ZFX: variants seen among roughly 807,000 people sequenced by gnomAD.
ZFX encodes zinc finger X-chromosomal protein.
For synonymous variants in ZFX, 196 were observed against 226.8 expected (o/e 0.86, Z 1.22); for missense variants, 362 against 628.3 (o/e 0.58, Z 4.53).
chrX:24,201,900 G>C (rs927008617), intron 5 of ZFX, among the ~76,000 whole-genome samples: 1 of 111,747 alleles, frequency 8.9e-6, no homozygotes, highest in African/African-American at 3.2e-5. Flanking sequence ...TTAACCAGTT[G>C]GACTCTTTAA....
At chrX:24,157,950 G>A (rs940248575) in intron 3 of ZFX, among the ~76,000 whole-genome samples, 2 of 110,557 alleles carry the variant, frequency 1.8e-5, no homozygotes, top group Admixed American at 9.7e-5. Context: ...GTCGAGACAG[G>A]TTTTCACTGT....
At chrX:24,153,928 A>G (rs1202404165) in intron 3 of ZFX, among the ~76,000 whole-genome samples, 4 of 111,235 alleles carry the variant, frequency 3.6e-5, no homozygotes, top group Non-Finnish European at 5.6e-5. Flanking sequence ...TCAGGGACAT[A>G]CATATTAAGG....
chrX:24,194,538 C>T (rs1322032907), intron 5 of ZFX, among the ~76,000 whole-genome samples: 2 of 111,044 alleles, frequency 1.8e-5, no homozygotes, highest in Non-Finnish European at 3.8e-5. Flanking sequence ...GAGGCTCCTA[C>T]ACCCATGACC....
At chrX:24,194,954 G>A (rs1410912031) in intron 5 of ZFX, among the ~76,000 whole-genome samples, 1 of 109,962 alleles carries the variant, frequency 9.1e-6, no homozygotes, top group Non-Finnish European at 1.9e-5. Flanking sequence ...CACCATGTTG[G>A]CGAGGCTGAT....
chrX:24,159,240 T>C (rs1933005673), intron 3 of ZFX, among the ~76,000 whole-genome samples: 2 of 111,987 alleles, frequency 1.8e-5, no homozygotes, highest in Non-Finnish European at 3.8e-5. Context: ...TTGTCCTGCC[T>C]GGGCCTCCAA....
chrX:24,180,643 A>T (rs1022092983), intron 5 of ZFX, among the ~76,000 whole-genome samples: 1 of 111,799 alleles, frequency 8.9e-6, no homozygotes, highest in Non-Finnish European at 1.9e-5. Flanking sequence ...TTGGCCTTCC[A>T]AAGTGGGAGG....
Position 24,210,869 on chromosome X carries a change from T to C in ZFX, c.1911T>C (p.His637=), listed in dbSNP as rs780651874. ...HQESKTHQCL[H]CDHKSSNSSD... Reference sequence around the variant, plus strand: ...AAAGCAAAACACACCAGTGTTTGCATTGCGACCACAAGAGTTCGAACTCAA... The same window carrying C: ...AAAGCAAAACACACCAGTGTTTGCACTGCGACCACAAGAGTTCGAACTCAA... Residue 637 remains histidine, a synonymous_variant, in exon 10 of 10, where the codon CAT becomes CAC. Transcript: ENST00000304543. The C allele has an allele frequency of 6.4e-5, 77 of 1,209,484 alleles. No individual in the cohort carries two copies. In the East Asian group the frequency reaches 2.2e-3, roughly 35 times the overall value.
In ZFX at chrX:24,207,105, C is replaced by T. The variant is rs969038679; in HGVS notation, c.647-221C>T. On this transcript the variant is annotated intron_variant, in intron 5 of 9. Coordinates refer to ENST00000304543, the MANE Select transcript of ZFX (RefSeq NM_003410.4). Reference sequence around the variant, plus strand: ...AAAATTAGCCGGGCGTGGTGGTAGGCGCCTGTAGTCCCAGCTCCTCGGGAG... The same window carrying T: ...AAAATTAGCCGGGCGTGGTGGTAGGTGCCTGTAGTCCCAGCTCCTCGGGAG... 4.1e-5 allele frequency: 13 copies of T among 318,348 alleles called. No homozygotes were observed. The Admixed American group carries it at 4.1e-4, about 10-fold the overall frequency. The allele number at this position is 318,348 out of a possible 1,213,427, so 26.2% of individuals were successfully genotyped here. A position where few individuals can be genotyped will look rare whatever the true frequency, so the allele number is the denominator to read the frequency against.
At position 24,179,525 on chromosome X, in the gene ZFX, T is replaced by C; in HGVS notation, c.401T>C (p.Leu134Ser). ...SASMSMPEHV[L>S]TGDSIHVSDV... is the part of the protein sequence containing the mutation. The stretch of plus-strand genomic sequence containing the variant: ...TCAATGTCTATGCCAGAACACGTCT[T>C]GACGGGTGATTCTATACATGTGTCT... The change falls in exon 5 of 10, where the codon TTG (leucine) becomes TCG (serine). Residue 134 changes from leucine to serine, a missense_variant. Leu to Ser is a moderately radical substitution (Grantham distance 145, BLOSUM62 -2). Transcript: ENST00000304543. 2 of 1,212,329 alleles carry C rather than the reference T, an allele frequency of 1.6e-6. No individual in the cohort carries two copies. Among genetic ancestry groups the C allele is most frequent in the Non-Finnish European group, 2.2e-6 (2 of 895,690 alleles).
At position 24,213,967 on chromosome X, in the gene ZFX, C is replaced by G. The variant is rs1307391825; in HGVS notation, c.*2591C>G. The G allele has an allele frequency of 9.0e-6, 1 of 110,760 alleles. No individual in the cohort carries two copies. The highest frequency in any genetic ancestry group is 1.9e-5 in the Non-Finnish European group (1 of 52,863). 9.1% of individuals were successfully genotyped at this position (110,760 alleles called of 1,213,427 possible). On this transcript the variant is annotated 3_prime_UTR_variant, in exon 10 of 10. Coordinates refer to ENST00000304543, the MANE Select transcript of ZFX (RefSeq NM_003410.4). ...AACACTTCACACATTTTATATTTCT[C>G]TTACATACTCCGGAATCATACACAG...
At chrX:24,176,278 A>AT (rs1316033964) in intron 4 of ZFX, among the ~76,000 whole-genome samples, 1 of 109,625 alleles carries the variant, frequency 9.1e-6, no homozygotes, top group Non-Finnish European at 1.9e-5. Flanking sequence ...ACCTCAGGTG[A>AT]TTCGCCTGCC....
rs1308581734 is a variant in ZFX, at chrX:24,207,481, A to G, written c.796+6A>G. The G allele has an allele frequency of 8.3e-7, 1 of 1,203,758 alleles. No individual in the cohort carries two copies. The highest frequency in any genetic ancestry group is 1.1e-6 in the Non-Finnish European group (1 of 893,542). On this transcript the variant is annotated splice_donor_region_variant and intron_variant, in intron 6 of 9. Transcript: ENST00000304543. ...CCCTGGAGAAGATGACTTAGGTAAGAAGAAGTGTTTAGACATTATACATCC... is the reference window on the plus strand; with the variant it reads ...CCCTGGAGAAGATGACTTAGGTAAGGAGAAGTGTTTAGACATTATACATCC...
Position 24,216,039 on chromosome X carries a change from A to G in ZFX, c.*4663A>G, listed in dbSNP as rs545719797. On this transcript the variant is annotated 3_prime_UTR_variant, in exon 10 of 10. Coordinates refer to ENST00000304543, the MANE Select transcript of ZFX (RefSeq NM_003410.4). ...GGATTTGTTATATATTGTTCCTGTTATTTTTGACATCTTTGCTATTGTAAA... is the reference window on the plus strand; with the variant it reads ...GGATTTGTTATATATTGTTCCTGTTGTTTTTGACATCTTTGCTATTGTAAA... 1 of 111,407 alleles carries G rather than the reference A, an allele frequency of 9.0e-6. No homozygotes were observed. The highest frequency in any genetic ancestry group is 3.3e-5 in the African/African-American group (1 of 30,594). 9.2% of individuals were successfully genotyped at this position (111,407 alleles called of 1,213,427 possible).
In ZFX at chrX:24,213,580, G is replaced by T. The variant is rs1195609798; in HGVS notation, c.*2204G>T. 9.0e-6 allele frequency: 1 copy of T among 110,944 alleles called. No individual in the cohort carries two copies. The highest frequency in any genetic ancestry group is 1.9e-5 in the Non-Finnish European group (1 of 53,006). The allele number at this position is 110,944 out of a possible 1,213,427, so 9.1% of individuals were successfully genotyped here. On this transcript the variant is annotated 3_prime_UTR_variant, in exon 10 of 10. Transcript: ENST00000304543. ...GTTTTAAACCAAGTGCTTTAGGCAG[G>T]TGTGAACTCCAGCCCAAATGCCAGT...
At chrX:24,198,879 T>G (rs775290823) in intron 5 of ZFX, among the ~76,000 whole-genome samples, 2 of 111,844 alleles carry the variant, frequency 1.8e-5, no homozygotes, top group South Asian at 3.7e-4. Flanking sequence ...ATCTGAGTTA[T>G]GGAGACAGGT....
chrX:24,191,595 A>C (rs1269398126), intron 5 of ZFX, among the ~76,000 whole-genome samples: 1 of 111,664 alleles, frequency 9.0e-6, no homozygotes, highest in Non-Finnish European at 1.9e-5. Context: ...GTCGTCATTG[A>C]TTTCATAATA....
At chrX:24,152,692 A>G (rs1180747615) in intron 2 of ZFX, 28 bp from the exon 3 acceptor site, 1 of 112,055 alleles carries the variant, frequency 8.9e-6, no homozygotes, top group Non-Finnish European at 1.9e-5. Flanking sequence ...TAAACTTAGA[A>G]GAACCAGGTG....
chrX:24,208,526 T>C (rs1937787389), intron 8 of ZFX, among the ~76,000 whole-genome samples, 156 bp downstream of exon 8: 1 of 112,930 alleles, frequency 8.9e-6, no homozygotes, highest in South Asian at 3.6e-4. Flanking sequence ...AAGTCTACTT[T>C]TTGTCTTTAT....
intron 3 of ZFX, among the ~76,000 whole-genome samples, chrX:24,156,442 A>ATTTAGGCTGT: frequency 9.0e-6 from 1 of 110,894 alleles, no homozygotes; most frequent in South Asian, 3.8e-4. Flanking sequence ...TAGGTCGTTA[A>ATTTAGGCTGT]TTCACCGGAG....
Sources: gnomAD v4.1 joint callset for allele counts (sites outside exome capture counted in the v4.1 genomes callset) on GRCh38, gnomAD v4.1.1 for gene constraint, MANE v1.5 for transcripts, NCBI Gene and HGNC (gene_info 2026-07-23, HGNC 2026-07-21) for gene names.